The following DHX36 variants were observed in gnomAD, a reference collection of about 807,000 sequenced individuals.
DHX36 encodes ATP-dependent DNA/RNA helicase DHX36.
DHX36 carries 50 observed loss-of-function variants against 139.0 expected under a neutral mutation model. The observed-to-expected ratio is 0.36, with a 90% CI of 0.29 to 0.46. DHX36 has a LOEUF of 0.46. Ranked by LOEUF, DHX36 falls within the 20% of genes least tolerant of loss-of-function variation. The pLI is 1.00. For missense variants in DHX36, 1,024 were observed against 1,211.3 expected, an observed-to-expected ratio of 0.85 and a Z score of 2.29; for synonymous variants, 425 against 401.9, an observed-to-expected ratio of 1.06 and a Z score of -0.69.
chr3:154,273,886 G>A lies in DHX36; in HGVS notation c.*2285C>T, dbSNP rs1454809977. The A allele has an allele frequency of 6.6e-6, 1 of 152,164 alleles. No individual in the cohort carries two copies. The highest frequency in any genetic ancestry group is 1.9e-4 in the East Asian group (1 of 5,196). 9.4% of individuals were successfully genotyped at this position (152,164 alleles called of 1,614,324 possible). A position where few individuals can be genotyped will look rare whatever the true frequency, so the allele number is the denominator to read the frequency against. ...CTTTTCCTGTTTCTTTCTGCAGCAT[G>A]TCCAGCACTTTTACACCTTCTGTCA... On this transcript the variant is annotated 3_prime_UTR_variant, in exon 25 of 25. Coordinates refer to ENST00000496811, the MANE Select transcript of DHX36 (RefSeq NM_020865.3).
intron 1 of DHX36, among the ~76,000 whole-genome samples, chr3:154,321,132 A>C (rs2108370662): frequency 6.6e-6 from 1 of 152,306 alleles, no homozygotes; most frequent in Admixed American, 6.5e-5. Context: ...CAGATAATTA[A>C]ATATTATTTT....
intron 1 of DHX36, among the ~76,000 whole-genome samples, chr3:154,317,006 AAAG>A (rs1713014069): frequency 6.6e-6 from 1 of 152,092 alleles, no homozygotes; most frequent in African/African-American, 2.4e-5. Context: ...TTAAAGAACC[AAAG>A]GAGGAGGAAG....
At chr3:154,277,548 TA>T in intron 23 of DHX36, 49 bp downstream of exon 23, 1 of 1,516,680 alleles carries the variant, frequency 6.6e-7, no homozygotes, top group Non-Finnish European at 8.9e-7. Flanking sequence ...ATCATAAAAA[TA>T]CAATGAGACT....
At position 154,273,351 on chromosome 3, in the gene DHX36, TTAAA is replaced by T. The variant is rs762013666; in HGVS notation, c.*2816_*2819del. 6.6e-6 allele frequency: 1 copy of T among 152,226 alleles called. No individual in the cohort carries two copies. 9.4% of individuals were successfully genotyped at this position (152,226 alleles called of 1,614,324 possible). A position where few individuals can be genotyped will look rare whatever the true frequency, so the allele number is the denominator to read the frequency against. On this transcript the variant is annotated 3_prime_UTR_variant, in exon 25 of 25. Transcript: ENST00000496811. Reference sequence around the variant, plus strand: ...TTAATCTCTGTGAATGCCTCATCAATTAAATAATTCCTCAGGAACATTTTCCCCA... The same window carrying T: ...TTAATCTCTGTGAATGCCTCATCAATTAATTCCTCAGGAACATTTTCCCCA...
chr3:154,296,657 A>C (rs905974014), intron 12 of DHX36, among the ~76,000 whole-genome samples: 34 of 152,228 alleles, frequency 2.2e-4, no homozygotes, highest in African/African-American at 8.2e-4. Flanking sequence ...AAGGGAGAGT[A>C]TCAAGAAAGC....
At chr3:154,283,924 C>A (rs1719418141) in intron 19 of DHX36, among the ~76,000 whole-genome samples, 1 of 152,038 alleles carries the variant, frequency 6.6e-6, no homozygotes. Context: ...AATCTGAATA[C>A]AGGGTAGTTT....
chr3:154,323,002 C>A (rs1427393122), intron 1 of DHX36, among the ~76,000 whole-genome samples: 4 of 152,108 alleles, frequency 2.6e-5, no homozygotes, highest in African/African-American at 7.2e-5. Context: ...ATGAACATGA[C>A]ATGGTTAAAA....
In DHX36 at chr3:154,306,261, G is replaced by A. The variant is rs545178351; in HGVS notation, c.848C>T (p.Ser283Phe). 2 of 1,613,666 alleles carry A rather than the reference G, an allele frequency of 1.2e-6. No homozygotes were observed. Among genetic ancestry groups the A allele is most frequent in the African/African-American group, 1.3e-5 (1 of 75,026 alleles). Residue 283 changes from serine to phenylalanine, a missense_variant, in exon 6 of 25, where the codon TCT becomes TTT. Ser to Phe is a radical substitution (Grantham distance 155, BLOSUM62 -2). Coordinates refer to ENST00000496811, the MANE Select transcript of DHX36 (RefSeq NM_020865.3). The stretch of plus-strand genomic sequence containing the variant: ...TCCAGTACTATTACCACTGCCACAA[G>A]ATTCTGCCCTTTCTGCAGCTACTCT... The part of the protein sequence containing the change: ...AERVAAERAE[S>F]CGSGNSTGYQ...
At chr3:154,316,687 G>A (rs560662124) in intron 1 of DHX36, among the ~76,000 whole-genome samples, 2 of 151,950 alleles carry the variant, frequency 1.3e-5, no homozygotes, top group African/African-American at 2.4e-5. Flanking sequence ...TGTGGCAAAT[G>A]ACGCAGTTGC....
chr3:154,306,027 CA>C (rs1306666500), intron 6 of DHX36, among the ~76,000 whole-genome samples, 188 bp downstream of exon 6: 27 of 152,096 alleles, frequency 1.8e-4, no homozygotes, highest in Non-Finnish European at 3.7e-4. Flanking sequence ...TTAAAAAAGG[CA>C]ATACAAGTCT....
intron 1 of DHX36, among the ~76,000 whole-genome samples, chr3:154,319,800 G>A (rs1713121932): frequency 6.6e-6 from 1 of 152,046 alleles, no homozygotes; most frequent in African/African-American, 2.4e-5. Flanking sequence ...ACTTTGATTT[G>A]CCCACTTTGA....
At chr3:154,294,152 T>C (rs1711935610) in intron 13 of DHX36, among the ~76,000 whole-genome samples, 1 of 152,124 alleles carries the variant, frequency 6.6e-6, no homozygotes, top group Non-Finnish European at 1.5e-5. Flanking sequence ...AGGACAAGAA[T>C]AATGAAGTCA....
chr3:154,310,135 C>T (rs1034566976), intron 4 of DHX36, among the ~76,000 whole-genome samples: 11 of 152,146 alleles, frequency 7.2e-5, no homozygotes, highest in African/African-American at 2.7e-4. Context: ...CTACTGAGTA[C>T]AGAAGCAAAC....
chr3:154,316,148 T>C lies in DHX36; in HGVS notation c.259A>G (p.Met87Val). Residue 87 changes from methionine (M) to valine (V), a missense_variant, in exon 2 of 25, where the codon ATG (methionine) becomes GTG (valine). Transcript: ENST00000496811. Reference protein sequence around the residue: ...AERQERAVVHMDERREEQIVQ... With the variant: ...AERQERAVVHVDERREEQIVQ... ...ATTTGTTCTTCTCGTCGTTCATCCA[T>C]GTGTACTACAGCTCTCTAGTTTGTG... The C allele has an allele frequency of 1.2e-6, 2 of 1,613,270 alleles. No individual in the cohort carries two copies. The highest frequency in any genetic ancestry group is 1.7e-6 in the Non-Finnish European group (2 of 1,179,474).
At chr3:154,304,234 T>A (rs1246304523) in intron 8 of DHX36, among the ~76,000 whole-genome samples, 1 of 152,194 alleles carries the variant, frequency 6.6e-6, no homozygotes, top group Non-Finnish European at 1.5e-5. Flanking sequence ...TTCACAAGTA[T>A]AAGCAGGAAA....
chr3:154,302,650 G>A (rs1322320809), intron 9 of DHX36, among the ~76,000 whole-genome samples: 1 of 152,074 alleles, frequency 6.6e-6, no homozygotes, highest in Non-Finnish European at 1.5e-5. Flanking sequence ...TGAGAAGACT[G>A]GGGGAAATTA....
In DHX36 at chr3:154,293,832, A is replaced by C. The variant is rs1452623223; in HGVS notation, c.1606-20T>G. The C allele has an allele frequency of 1.3e-6, 2 of 1,569,450 alleles. No homozygotes were observed. Among genetic ancestry groups the C allele is most frequent in the Middle Eastern group, 1.7e-4 (1 of 5,880 alleles). On this transcript the variant is annotated intron_variant, in intron 13 of 24. Transcript: ENST00000496811. ...AAACACCTGTAAAAATAAATACATC[A>C]GAATCACAAAAGTACACTAACTTCT...
intron 14 of DHX36, 59 bp downstream of exon 14, chr3:154,293,689 C>T (rs532706593): frequency 2.2e-5 from 28 of 1,275,270 alleles, no homozygotes; most frequent in Non-Finnish European, 2.8e-5. Flanking sequence ...TATATAAACA[C>T]GTTATGGTGT....
Position 154,275,717 on chromosome 3 carries a change from A to G in DHX36, c.*454T>C, listed in dbSNP as rs1284122492. On this transcript the variant is annotated 3_prime_UTR_variant, in exon 25 of 25. Coordinates refer to ENST00000496811, the MANE Select transcript of DHX36 (RefSeq NM_020865.3). ...TTAAATACTGGACTTTATTACAACA[A>G]ATTAATTTACTTCCGATAGAAGTTT... 6.5e-6 allele frequency: 1 copy of G among 152,732 alleles called. No homozygotes were observed. Among genetic ancestry groups the G allele is most frequent in the African/African-American group, 2.4e-5 (1 of 41,452 alleles). 9.5% of individuals were successfully genotyped at this position (152,732 alleles called of 1,614,324 possible).
Sources: gnomAD v4.1 joint callset for allele counts (sites outside exome capture counted in the v4.1 genomes callset) on GRCh38, gnomAD v4.1.1 for gene constraint, MANE v1.5 for transcripts, NCBI Gene and HGNC (gene_info 2026-07-23, HGNC 2026-07-21) for gene names.